FAM149B1: variants seen among roughly 807,000 people sequenced by gnomAD.
FAM149B1 encodes primary cilium assembly protein FAM149B1.
In FAM149B1, 56 loss-of-function variants were observed where a neutral mutation model predicts 75.3. The observed-to-expected ratio is 0.74, with a 90% CI of 0.60 to 0.93. FAM149B1 has a LOEUF of 0.93. FAM149B1 is among the 40% of genes least tolerant of loss of function. FAM149B1 has a pLI of 0.00. For missense variants in FAM149B1, 639 were observed against 708.4 expected (o/e 0.90, Z 1.11); for synonymous variants, 259 against 256.1 (o/e 1.01, Z -0.11).
Position 73,210,439 on chromosome 10 carries a change from G to A in FAM149B1, c.898+1G>A. ...AGTCACTGGGAAGGATTTGCCTCTG[G>A]TAAGGATCTTTGTGAAAATAATGTA... is the stretch of plus-strand genomic sequence containing the variant. On this transcript the variant is annotated splice_donor_variant, in intron 7 of 13. Coordinates refer to ENST00000242505, the MANE Select transcript of FAM149B1 (RefSeq NM_173348.2). LOFTEE classifies it high-confidence loss of function. The A allele has an allele frequency of 6.5e-7, 1 of 1,527,698 alleles. No homozygotes were observed. The highest frequency in any genetic ancestry group is 8.8e-7 in the Non-Finnish European group (1 of 1,132,552). 94.6% of individuals were successfully genotyped at this position (1,527,698 alleles called of 1,614,324 possible).
In FAM149B1 at chr10:73,223,762, GA is replaced by G. The variant is rs1240111371; in HGVS notation, c.899-4296del. Among the ~76,000 whole-genome samples the G allele has an allele frequency of 2.6e-5, 4 of 150,986 alleles. No individual in the cohort carries two copies. The South Asian group carries it at 6.2e-4, about 24-fold the overall frequency. ...TTTTTTTTTTTAAGCTTGTATTAGA[GA>G]ATAGGACTAGCACTCTCTTTAAAAT... On this transcript the variant is annotated intron_variant, in intron 7 of 13. Transcript: ENST00000242505.
At chr10:73,183,122 T>C (rs1440580652) in intron 3 of FAM149B1, among the ~76,000 whole-genome samples, 1 of 151,894 alleles carries the variant, frequency 6.6e-6, no homozygotes, top group African/African-American at 2.4e-5. Flanking sequence ...GAGACGAGAG[T>C]TCAGGGTAGA....
At chr10:73,179,503 T>C (rs1157782243) in intron 3 of FAM149B1, among the ~76,000 whole-genome samples, 1 of 151,824 alleles carries the variant, frequency 6.6e-6, no homozygotes, top group African/African-American at 2.4e-5. Flanking sequence ...AGCCTCAAAC[T>C]CCTGGGCTCA....
At chr10:73,208,530 G>A in intron 5 of FAM149B1, 89 bp from the exon 6 acceptor site, 1 of 830,578 alleles carries the variant, frequency 1.2e-6, no homozygotes, top group Non-Finnish European at 1.8e-6. Context: ...AGGGCAAGGG[G>A]AGTTTGAGCC....
Position 73,230,533 on chromosome 10 carries a change from G to A in FAM149B1, c.1127+8G>A. 7.1e-7 allele frequency: 1 copy of A among 1,412,046 alleles called. No individual in the cohort carries two copies. Among genetic ancestry groups the A allele is most frequent in the Non-Finnish European group, 9.8e-7 (1 of 1,020,032 alleles). 87.5% of individuals were successfully genotyped at this position (1,412,046 alleles called of 1,614,324 possible). A position where few individuals can be genotyped will look rare whatever the true frequency, so the allele number is the denominator to read the frequency against. On this transcript the variant is annotated splice_region_variant and intron_variant, in intron 9 of 13. Coordinates refer to ENST00000242505, the MANE Select transcript of FAM149B1 (RefSeq NM_173348.2). ...CCTAATGGACAAGCTCCTGTAAGAA[G>A]TTCAACATTTTCAGACTATACAGTG...
intron 7 of FAM149B1, among the ~76,000 whole-genome samples, chr10:73,226,362 G>A (rs1247217333): frequency 3.3e-5 from 5 of 152,074 alleles, no homozygotes; most frequent in Non-Finnish European, 4.4e-5. Flanking sequence ...AAAATTAAGC[G>A]GGTGTGGTGG....
chr10:73,192,499 T>G, intron 3 of FAM149B1, 57 bp from the exon 4 acceptor site: 1 of 1,498,172 alleles, frequency 6.7e-7, no homozygotes. Context: ...TCTTTATAAT[T>G]TTTAACAGAG....
chr10:73,218,515 A>AAGCC (rs2043342796), intron 7 of FAM149B1, among the ~76,000 whole-genome samples: 1 of 152,132 alleles, frequency 6.6e-6, no homozygotes, highest in Admixed American at 6.5e-5. Flanking sequence ...AATTAGACAA[A>AAGCC]AGCCATATCT....
chr10:73,208,077 C>G (rs2043107022), intron 5 of FAM149B1, among the ~76,000 whole-genome samples: 1 of 152,178 alleles, frequency 6.6e-6, no homozygotes, highest in Admixed American at 6.5e-5. Flanking sequence ...GAGGTGGGGC[C>G]TGGTGGGAGG....
chr10:73,168,433 T>C, intron 1 of FAM149B1, 47 bp downstream of exon 1: 2 of 1,546,106 alleles, frequency 1.3e-6, no homozygotes, highest in African/African-American at 1.4e-5. Flanking sequence ...CGGCGGGCGC[T>C]CTGGGGACCC....
At chr10:73,183,859 G>A (rs1025841746) in intron 3 of FAM149B1, among the ~76,000 whole-genome samples, 3 of 152,228 alleles carry the variant, frequency 2.0e-5, no homozygotes. Flanking sequence ...AGAAGGCTCA[G>A]TAGGTTTGGA....
chr10:73,222,458 C>A (rs966497165), intron 7 of FAM149B1, among the ~76,000 whole-genome samples: 2 of 152,014 alleles, frequency 1.3e-5, no homozygotes, highest in Admixed American at 6.6e-5. Flanking sequence ...GGCTTCTTCT[C>A]ATATGTGCAC....
chr10:73,238,622 T>TG (rs1294889003), intron 12 of FAM149B1: 5 of 152,376 alleles, frequency 3.3e-5, no homozygotes, highest in African/African-American at 1.2e-4. Flanking sequence ...AATAACTATC[T>TG]GGCCCTTTGC....
chr10:73,176,456 C>T (rs748460361), intron 2 of FAM149B1, among the ~76,000 whole-genome samples: 11 of 151,956 alleles, frequency 7.2e-5, no homozygotes, highest in Admixed American at 2.0e-4. Context: ...AAACTTGGCA[C>T]GATGCTTGGC....
chr10:73,202,722 G>T (rs1420445422), intron 5 of FAM149B1, among the ~76,000 whole-genome samples: 1 of 145,334 alleles, frequency 6.9e-6, no homozygotes, highest in African/African-American at 2.6e-5. Flanking sequence ...ACAGGGCCTC[G>T]CTTTGTCACC....
intron 7 of FAM149B1, among the ~76,000 whole-genome samples, chr10:73,221,209 A>T (rs2043406304): frequency 6.6e-6 from 1 of 152,210 alleles, no homozygotes; most frequent in South Asian, 2.1e-4. Context: ...CAACATTGTG[A>T]CTATATTAGA....
At chr10:73,226,098 A>T (rs76181904) in intron 7 of FAM149B1, among the ~76,000 whole-genome samples, 2 of 144,590 alleles carry the variant, frequency 1.4e-5, no homozygotes, top group Admixed American at 1.3e-4. Context: ...TTACCACAAT[A>T]ATTTTTTTTT....
Position 73,205,722 on chromosome 10 carries a change from T to G in FAM149B1, c.543-2897T>G, listed in dbSNP as rs549320163. The stretch of plus-strand genomic sequence containing the variant: ...GTGTGCACCACTGTGCCTGGCTAAT[T>G]TTTGTATTTTTAGTAGAGATGAGGG... On this transcript the variant is annotated intron_variant, in intron 5 of 13. Coordinates refer to ENST00000242505, the MANE Select transcript of FAM149B1 (RefSeq NM_173348.2). Among the ~76,000 whole-genome samples the G allele has an allele frequency of 2.0e-5, 3 of 152,096 alleles. No individual in the cohort carries two copies. In the East Asian group the frequency reaches 5.8e-4, roughly 29 times the overall value.
At chr10:73,196,619 C>T (rs1241439527) in intron 5 of FAM149B1, among the ~76,000 whole-genome samples, 1 of 152,170 alleles carries the variant, frequency 6.6e-6, no homozygotes, top group Admixed American at 6.5e-5. Flanking sequence ...TTCTTGCCCT[C>T]TCCAATATAT....
Sources: allele counts gnomAD v4.1 joint callset (sites outside exome capture counted in the v4.1 genomes callset), GRCh38; gene constraint gnomAD v4.1.1; transcripts MANE v1.5; gene names NCBI Gene and HGNC (gene_info 2026-07-23, HGNC 2026-07-21).